The following CREBZF variants were observed in gnomAD, a reference collection of about 807,000 sequenced individuals.
The protein encoded by CREBZF is CREB/ATF bZIP transcription factor.
Under a neutral mutation model 21.1 loss-of-function variants are expected in CREBZF, and 8 were observed. That is an observed-to-expected ratio of 0.38 (90% CI 0.22 to 0.68). The LOEUF is 0.68. CREBZF is among the 30% of genes least tolerant of loss of function. CREBZF has a pLI of 0.51. For synonymous variants in CREBZF, 270 were observed against 223.3 expected (o/e 1.21, Z -1.86); for missense variants, 518 against 484.3 (o/e 1.07, Z -0.65).
chr11:85,670,208 C>G (rs1397417403), intron 1 of CREBZF, among the ~76,000 whole-genome samples: 2 of 150,720 alleles, frequency 1.3e-5, no homozygotes, highest in Non-Finnish European at 3.0e-5. Context: ...AAATTAATTT[C>G]AGACATGTAG....
chr11:85,667,880 G>A (rs1218684447), upstream of CREBZF, among the ~76,000 whole-genome samples: 1 of 151,954 alleles, frequency 6.6e-6, no homozygotes, highest in Non-Finnish European at 1.5e-5. Flanking sequence ...TGAGGCCCAA[G>A]AATCACTTGA....
At chr11:85,676,312 A>G (rs529758590) in intron 1 of CREBZF, among the ~76,000 whole-genome samples, 13 of 152,322 alleles carry the variant, frequency 8.5e-5, no homozygotes, top group Admixed American at 5.9e-4. Context: ...TCTCACCGCA[A>G]TGGGCACCTC....
chr11:85,680,149 C>G (rs1013795058), intron 1 of CREBZF, among the ~76,000 whole-genome samples: 5 of 152,152 alleles, frequency 3.3e-5, no homozygotes, highest in African/African-American at 1.2e-4. Flanking sequence ...CTCCTCTCCC[C>G]CTTACACAGA....
chr11:85,658,183 T>G lies in CREBZF; in HGVS notation c.*5628A>C, dbSNP rs1164613352. The stretch of plus-strand genomic sequence containing the variant: ...AACCCAAGTACCGAGTTAAGACTCC[T>G]TAAGAATATAGAATTATGTAATCAA... On this transcript the variant is annotated 3_prime_UTR_variant, in exon 1 of 1. Transcript: ENST00000527447. 1.3e-5 allele frequency among the ~76,000 whole-genome samples: 2 copies of G among 152,050 alleles called. No homozygotes were observed. The highest frequency in any genetic ancestry group is 3.9e-4 in the East Asian group (2 of 5,180).
rs959953975 is a variant in CREBZF, at chr11:85,661,833, T to C, written c.*1978A>G. Reference sequence around the variant, plus strand: ...ACAAAATTATATACAAAGAAATATATACAAAATGTTCAAGTATTAGTTAAA... The same window carrying C: ...ACAAAATTATATACAAAGAAATATACACAAAATGTTCAAGTATTAGTTAAA... On this transcript the variant is annotated 3_prime_UTR_variant, in exon 1 of 1. Transcript: ENST00000527447. 1 of 152,476 alleles carries C rather than the reference T, an allele frequency of 6.6e-6. No homozygotes were observed. The highest frequency in any genetic ancestry group is 1.5e-5 in the Non-Finnish European group (1 of 68,000). 9.4% of individuals were successfully genotyped at this position (152,476 alleles called of 1,614,324 possible).
Position 85,661,866 on chromosome 11 carries a change from TCAAGG to T in CREBZF, c.*1940_*1944del, listed in dbSNP as rs1223392061. 2 of 152,094 alleles carry T rather than the reference TCAAGG, an allele frequency of 1.3e-5. No homozygotes were observed. Among genetic ancestry groups the T allele is most frequent in the Non-Finnish European group, 2.9e-5 (2 of 67,916 alleles). The allele number at this position is 152,094 out of a possible 1,614,324, so 9.4% of individuals were successfully genotyped here. ...GTTCAAGTATTAGTTAAATTTCAATTCAAGGCTTCTGTTTCAAAAAAGCTACATTT... is the reference window on the plus strand; with the variant it reads ...GTTCAAGTATTAGTTAAATTTCAATTCTTCTGTTTCAAAAAAGCTACATTT... On this transcript the variant is annotated 3_prime_UTR_variant, in exon 1 of 1. Coordinates refer to ENST00000527447, the MANE Select transcript of CREBZF (RefSeq NM_001039618.4).
At chr11:85,677,491 T>C (rs2153330115) in intron 1 of CREBZF, among the ~76,000 whole-genome samples, 1 of 152,296 alleles carries the variant, frequency 6.6e-6, no homozygotes, top group African/African-American at 2.4e-5. Flanking sequence ...CCCAAATGCC[T>C]TTTGTGTGAA....
chr11:85,664,837 G>C lies in CREBZF; in HGVS notation c.39C>G (p.Gly13=), dbSNP rs2082820063. The change falls in exon 1 of 1, where the codon GGC becomes GGG. Residue 13 remains glycine, a synonymous_variant. Coordinates refer to ENST00000527447, the MANE Select transcript of CREBZF (RefSeq NM_001039618.4). The surrounding 1 kb of genome is among the most constrained non-coding windows in gnomAD (Gnocchi z 5.5). ...HSLTKLLAAS[G]SNSPTRSESP... ...TCTCACTGCGGGTTGGGGAGTTGCT[G>C]CCCGAGGCTGCCAGCAGCTTGGTCA... 2.6e-6 allele frequency: 4 copies of C among 1,530,474 alleles called. No individual in the cohort carries two copies. Among genetic ancestry groups the C allele is most frequent in the African/African-American group, 2.8e-5 (2 of 72,000 alleles). 94.8% of individuals were successfully genotyped at this position (1,530,474 alleles called of 1,614,324 possible).
chr11:85,664,536 T>A lies in CREBZF; in HGVS notation c.340A>T (p.Arg114Trp). ...GGGTCCAGGTGCCAGTCCGGTTGCC[T>A]GGGGTCCAGGAGATCCGCCAGTTCC... The part of the protein sequence containing the change: ...GLELADLLDP[R>W]QPDWHLDPGL... Residue 114 changes from arginine to tryptophan, a missense_variant, in exon 1 of 1, where the codon AGG (arginine) becomes TGG (tryptophan). By Grantham distance (101) the Arg-to-Trp change is moderately radical. Coordinates refer to ENST00000527447, the MANE Select transcript of CREBZF (RefSeq NM_001039618.4). The surrounding 1 kb of genome is among the most constrained non-coding windows in gnomAD (Gnocchi z 5.5). 3 of 1,613,730 alleles carry A rather than the reference T, an allele frequency of 1.9e-6. No individual in the cohort carries two copies. Among genetic ancestry groups the A allele is most frequent in the Non-Finnish European group, 2.5e-6 (3 of 1,179,948 alleles).
At chr11:85,682,681 A>C in intron 1 of CREBZF, 1 of 592,784 alleles carries the variant, frequency 1.7e-6, no homozygotes, top group South Asian at 1.7e-5. Flanking sequence ...CCCCTTGTAG[A>C]CCACACTCCA....
At chr11:85,669,401 TACACACACACACACACACACACAC>T (rs61173351), upstream of CREBZF, among the ~76,000 whole-genome samples, 36 of 148,896 alleles carry the variant, frequency 2.4e-4, no homozygotes, top group African/African-American at 8.9e-4. Flanking sequence ...TCAGTCATTC[TACACACACACACACACACACACAC>T]ACACACACAC....
In CREBZF at chr11:85,663,116, T is replaced by G. The variant is rs369479608; in HGVS notation, c.*695A>C. On this transcript the variant is annotated 3_prime_UTR_variant, in exon 1 of 1. Transcript: ENST00000527447. ...TACTTAACTGTCAACCTCTGAAAAG[T>G]TGCCCTAAAATCGGAATTCCAATTT... 3.5e-4 allele frequency: 66 copies of G among 189,592 alleles called. No individual in the cohort carries two copies. Among genetic ancestry groups the G allele is most frequent in the African/African-American group, 1.6e-3 (66 of 42,468 alleles). 11.7% of individuals were successfully genotyped at this position (189,592 alleles called of 1,614,324 possible). A position where few individuals can be genotyped will look rare whatever the true frequency, so the allele number is the denominator to read the frequency against.
intron 1 of CREBZF, among the ~76,000 whole-genome samples, chr11:85,679,860 T>C (rs2082965394): frequency 6.6e-6 from 1 of 152,220 alleles, no homozygotes; most frequent in Admixed American, 6.5e-5. Context: ...ATGTGCAGGC[T>C]TTTGAATTGC....
At chr11:85,682,761 C>T (rs920331234) in exon 1 of CREBZF, 17 of 700,456 alleles carry the variant, frequency 2.4e-5, no homozygotes, top group Non-Finnish European at 4.4e-5. Flanking sequence ...GGCCTCTGCC[C>T]ATGGGACTTC....
chr11:85,682,326 C>A (rs921843967), intron 1 of CREBZF, among the ~76,000 whole-genome samples: 46 of 152,250 alleles, frequency 3.0e-4, no homozygotes, highest in African/African-American at 1.1e-3. Context: ...TTCTCTTAGT[C>A]TATGTTGTGG....
At chr11:85,669,331 G>A (rs565551532), upstream of CREBZF, among the ~76,000 whole-genome samples, 5 of 151,748 alleles carry the variant, frequency 3.3e-5, no homozygotes, top group African/African-American at 7.2e-5. Context: ...CTTATCTCAC[G>A]TATCTACATT....
Sources: allele counts gnomAD v4.1 joint callset (sites outside exome capture counted in the v4.1 genomes callset), GRCh38; gene constraint gnomAD v4.1.1; non-coding constraint Gnocchi (gnomAD v3.1); transcripts MANE v1.5; gene names NCBI Gene and HGNC (gene_info 2026-07-23, HGNC 2026-07-21).